Variants in GAD2 observed in about 807,000 individuals in gnomAD.
GAD2 encodes the protein 65 kDa glutamic acid decarboxylase.
In GAD2, 22 loss-of-function variants were observed where a neutral mutation model predicts 80.1. The observed-to-expected ratio is 0.27, with a 90% CI of 0.20 to 0.39. The LOEUF (loss-of-function observed/expected upper bound fraction) is 0.39, where lower values mean the gene tolerates loss of function less well. Ranked by LOEUF, GAD2 falls within the 10% of genes least tolerant of loss-of-function variation. The pLI is 1.00. For missense variants in GAD2, 624 were observed against 738.4 expected (o/e 0.85, Z 1.80); for synonymous variants, 274 against 256.9 (o/e 1.07, Z -0.64).
chr10:26,226,959 CATA>C (rs1844534895), intron 6 of GAD2, among the ~76,000 whole-genome samples: 1 of 152,154 alleles, frequency 6.6e-6, no homozygotes, highest in Non-Finnish European at 1.5e-5. Context: ...ACAGGGTTTT[CATA>C]ATGTTTCAGC....
chr10:26,297,221 C>A (rs1834284513), intron 15 of GAD2, among the ~76,000 whole-genome samples: 1 of 152,194 alleles, frequency 6.6e-6, no homozygotes, highest in Non-Finnish European at 1.5e-5. Context: ...GCCACCAAGC[C>A]TAGCCAACAG....
chr10:26,227,009 T>G (rs1844535407), intron 6 of GAD2, among the ~76,000 whole-genome samples: 1 of 152,342 alleles, frequency 6.6e-6, no homozygotes, highest in African/African-American at 2.4e-5. Flanking sequence ...TTTTATTTTT[T>G]TGAGACAGAG....
intron 8 of GAD2, among the ~76,000 whole-genome samples, chr10:26,263,473 G>A (rs1302531811): frequency 6.6e-6 from 1 of 152,180 alleles, no homozygotes; most frequent in Non-Finnish European, 1.5e-5. Context: ...GTTGGTATCA[G>A]CTATGTAAAG....
At chr10:26,219,478 A>C (rs1011093906) in intron 4 of GAD2, among the ~76,000 whole-genome samples, 6 of 152,220 alleles carry the variant, frequency 3.9e-5, no homozygotes, top group African/African-American at 1.2e-4. Flanking sequence ...TCTGAAGTTG[A>C]TAATGTCAGA....
In GAD2 at chr10:26,224,444, G is replaced by A; in HGVS notation, c.612-95G>A. 1.4e-5 allele frequency: 11 copies of A among 808,094 alleles called. No homozygotes were observed. The South Asian group carries it at 1.6e-4, about 12-fold the overall frequency. The allele number at this position is 808,094 out of a possible 1,614,324, so 50.1% of individuals were successfully genotyped here. A position where few individuals can be genotyped will look rare whatever the true frequency, so the allele number is the denominator to read the frequency against. On this transcript the variant is annotated intron_variant, in intron 5 of 15. Coordinates refer to ENST00000376261, the MANE Select transcript of GAD2 (RefSeq NM_001134366.2). ...ATAATCATAACACTTGTAAATGTAT[G>A]TTTTGAAAAAGGAAATAGTTCTGTA...
Position 26,217,523 on chromosome 10 carries a change from A to T in GAD2, c.77-87A>T. ...CGGCCCCTCCTAGGACCCCGGACTG[A>T]TTGATTTTCACATAGAACGAAATTT... On this transcript the variant is annotated intron_variant, in intron 1 of 15. Transcript: ENST00000376261. The surrounding 1 kb of genome is among the most constrained non-coding windows in gnomAD (Gnocchi z 4.9). 7.1e-7 allele frequency: 1 copy of T among 1,410,612 alleles called. No individual in the cohort carries two copies. The highest frequency in any genetic ancestry group is 2.5e-5 in the East Asian group (1 of 40,296). 87.4% of individuals were successfully genotyped at this position (1,410,612 alleles called of 1,614,324 possible). A position where few individuals can be genotyped will look rare whatever the true frequency, so the allele number is the denominator to read the frequency against.
chr10:26,224,696 C>A, intron 6 of GAD2, 45 bp downstream of exon 6: 2 of 1,359,468 alleles, frequency 1.5e-6, no homozygotes, highest in Non-Finnish European at 2.1e-6. Flanking sequence ...TTCTAATATG[C>A]AATGCCTTGT....
In GAD2 at chr10:26,300,970, C is replaced by T; in HGVS notation, c.*9C>T. 1.2e-6 allele frequency: 2 copies of T among 1,609,376 alleles called. No individual in the cohort carries two copies. Among genetic ancestry groups the T allele is most frequent in the Non-Finnish European group, 1.7e-6 (2 of 1,176,018 alleles). ...TTGGACAAGATTTATAATAACCTTG[C>T]TCACCAAGCTGTTCCACTTCTCTAG... On this transcript the variant is annotated 3_prime_UTR_variant, in exon 16 of 16. Transcript: ENST00000376261.
At chr10:26,258,967 G>A (rs1012053402) in intron 8 of GAD2, among the ~76,000 whole-genome samples, 1 of 151,984 alleles carries the variant, frequency 6.6e-6, no homozygotes, top group Non-Finnish European at 1.5e-5. Flanking sequence ...ACAGGTGCAC[G>A]CCACCATGCC....
chr10:26,219,932 G>C (rs185660141), intron 4 of GAD2, among the ~76,000 whole-genome samples: 2 of 152,178 alleles, frequency 1.3e-5, no homozygotes, highest in Middle Eastern at 3.2e-3. Context: ...AAGAAAAAGG[G>C]GGGGAGGGGC....
At chr10:26,286,877 C>T (rs1013268352) in intron 13 of GAD2, among the ~76,000 whole-genome samples, 4 of 151,978 alleles carry the variant, frequency 2.6e-5, no homozygotes, top group Non-Finnish European at 5.9e-5. Context: ...GTCTGGAGAA[C>T]AAAAAAGAAA....
chr10:26,219,715 A>C lies in GAD2; in HGVS notation c.520+439A>C, dbSNP rs1010751770. On this transcript the variant is annotated intron_variant, in intron 4 of 15. Coordinates refer to ENST00000376261, the MANE Select transcript of GAD2 (RefSeq NM_001134366.2). Reference sequence around the variant, plus strand: ...CTTTGGCATAAAACTGATCAGAAACAGGACTCACCACCCTATTAATCATTG... The same window carrying C: ...CTTTGGCATAAAACTGATCAGAAACCGGACTCACCACCCTATTAATCATTG... Among the ~76,000 whole-genome samples, 3 of 152,236 alleles carry C rather than the reference A, an allele frequency of 2.0e-5. No individual in the cohort carries two copies. The South Asian group carries it at 6.2e-4, about 31-fold the overall frequency.
At chr10:26,271,722 T>G (rs1845139661) in intron 10 of GAD2, among the ~76,000 whole-genome samples, 1 of 152,202 alleles carries the variant, frequency 6.6e-6, no homozygotes, top group Non-Finnish European at 1.5e-5. Flanking sequence ...GCTTAGATCA[T>G]TTTGGCTTTA....
intron 4 of GAD2, among the ~76,000 whole-genome samples, chr10:26,222,435 A>G (rs1457349771): frequency 6.6e-6 from 1 of 151,956 alleles, no homozygotes. Flanking sequence ...ATGAAGGAGC[A>G]TCGGGAGGGA....
At chr10:26,257,345 C>G (rs577193375) in intron 8 of GAD2, among the ~76,000 whole-genome samples, 1 of 152,302 alleles carries the variant, frequency 6.6e-6, no homozygotes, top group African/African-American at 2.4e-5. Context: ...CCACTGCCCT[C>G]CAGCCTGGGA....
At chr10:26,218,070 G>A (rs41304609) in intron 3 of GAD2, 79 bp downstream of exon 3, 110,421 of 1,443,506 alleles carry the variant, frequency 0.076, 4,745 homozygotes, top group Non-Finnish European at 0.088. Flanking sequence ...CGGGTCCGGC[G>A]CTGAGAGCCG....
intron 15 of GAD2, among the ~76,000 whole-genome samples, chr10:26,297,436 G>A (rs1413166074): frequency 3.3e-5 from 5 of 152,144 alleles, no homozygotes; most frequent in African/African-American, 1.2e-4. Flanking sequence ...AAGTCGCCTG[G>A]TTATTGCTTT....
In GAD2 at chr10:26,301,859, A is replaced by G. The variant is rs1324789893; in HGVS notation, c.*898A>G. On this transcript the variant is annotated 3_prime_UTR_variant, in exon 16 of 16. Transcript: ENST00000376261. ...CAAACCAGGCTTCATCTCAGATTAA[A>G]TTAGGGTAATTGTCTCTATTCTGCT... 6.6e-6 allele frequency: 1 copy of G among 152,218 alleles called. No individual in the cohort carries two copies. The highest frequency in any genetic ancestry group is 1.5e-5 in the Non-Finnish European group (1 of 68,040). The allele number at this position is 152,218 out of a possible 1,614,324, so 9.4% of individuals were successfully genotyped here. A position where few individuals can be genotyped will look rare whatever the true frequency, so the allele number is the denominator to read the frequency against.
At chr10:26,250,090 T>C (rs1161862837) in intron 8 of GAD2, among the ~76,000 whole-genome samples, 1 of 152,040 alleles carries the variant, frequency 6.6e-6, no homozygotes, top group Non-Finnish European at 1.5e-5. Flanking sequence ...AGTAGCCCAT[T>C]CCAGCCTGGA....
Sources: gnomAD v4.1 joint callset for allele counts (sites outside exome capture counted in the v4.1 genomes callset) on GRCh38, gnomAD v4.1.1 for gene constraint, Gnocchi (gnomAD v3.1) non-coding constraint, MANE v1.5 for transcripts, NCBI Gene and HGNC (gene_info 2026-07-23, HGNC 2026-07-21) for gene names.